WDPCP: variants seen among roughly 807,000 people sequenced by gnomAD.
WDPCP encodes the protein WD repeat containing planar cell polarity effector, also known as WD repeat-containing and planar cell polarity effector protein fritz homolog.
Under a neutral mutation model 93.1 loss-of-function variants are expected in WDPCP, and 71 were observed. That is an observed-to-expected ratio of 0.76 (90% CI 0.63 to 0.93). The LOEUF is 0.93. Among genes scored for constraint, WDPCP ranks in the 40% least tolerant of loss-of-function variants. The pLI, the probability that WDPCP is intolerant of heterozygous loss-of-function variation, is 0.00. For missense variants in WDPCP, 844 were observed against 887.4 expected (o/e 0.95, Z 0.62); for synonymous variants, 315 against 315.0 (o/e 1.00, Z 0.00).
intron 14 of WDPCP, chr2:63,229,579 A>C (rs1368576618): frequency 6.6e-6 from 1 of 152,156 alleles, no homozygotes; most frequent in Admixed American, 6.6e-5. Flanking sequence ...CTAACATTTA[A>C]GTCTTTAATC....
intron 3 of WDPCP, among the ~76,000 whole-genome samples, chr2:63,609,629 C>A (rs1193313964): frequency 6.6e-6 from 1 of 152,118 alleles, no homozygotes; most frequent in Non-Finnish European, 1.5e-5. Flanking sequence ...GTGACTCATG[C>A]GTGTAATCCC....
intron 12 of WDPCP, among the ~76,000 whole-genome samples, chr2:63,374,580 G>C (rs551043071): frequency 1.7e-4 from 26 of 152,138 alleles, no homozygotes; most frequent in Admixed American, 1.4e-3. Context: ...TGTATACATG[G>C]AATTGCTTAA....
At chr2:63,267,763 C>A (rs952152838) in intron 13 of WDPCP, among the ~76,000 whole-genome samples, 1 of 151,884 alleles carries the variant, frequency 6.6e-6, no homozygotes, top group South Asian at 2.1e-4. Context: ...AAATTAAAAC[C>A]ACAACGAGAT....
chr2:63,831,600 C>T (rs988486365), upstream of WDPCP, among the ~76,000 whole-genome samples: 5 of 151,674 alleles, frequency 3.3e-5, no homozygotes, highest in Admixed American at 3.3e-4. Context: ...TGAATTGTAT[C>T]CTCGTTTTTA....
In WDPCP at chr2:63,599,043, G is replaced by T. The variant is rs931776445; in HGVS notation, n.488+51616C>A. 30 of 740,332 alleles carry T rather than the reference G, an allele frequency of 4.1e-5. No individual in the cohort carries two copies. In the East Asian group the frequency reaches 8.5e-4, roughly 21 times the overall value. 45.9% of individuals were successfully genotyped at this position (740,332 alleles called of 1,614,324 possible). A position where few individuals can be genotyped will look rare whatever the true frequency, so the allele number is the denominator to read the frequency against. On this transcript the variant is annotated intron_variant and non_coding_transcript_variant, in intron 3 of 4. Coordinates refer to the WDPCP transcript ENST00000467687. The stretch of plus-strand genomic sequence containing the variant: ...AAAATGCATTTTCCTATGCTATATT[G>T]TATTTGGTGTTTCCCAAGCCTCCCC...
upstream of WDPCP, chr2:63,590,932 T>C (rs1212939552): frequency 1.3e-5 from 2 of 152,174 alleles, no homozygotes; most frequent in Non-Finnish European, 2.9e-5. Context: ...CTGTAGGGAG[T>C]GACAGCAAAA....
chr2:63,680,213 A>T (rs111463398), intron 2 of WDPCP, among the ~76,000 whole-genome samples: 53 of 152,364 alleles, frequency 3.5e-4, no homozygotes, highest in African/African-American at 1.1e-3. Flanking sequence ...AAGAACCAAA[A>T]ATCAGGTGAG....
chr2:63,457,616 A>G (rs966274586), intron 6 of WDPCP, among the ~76,000 whole-genome samples: 2 of 152,226 alleles, frequency 1.3e-5, no homozygotes, highest in African/African-American at 4.8e-5. Flanking sequence ...ATGATCAAGA[A>G]GAATGTATCC....
the WDPCP span, among the ~76,000 whole-genome samples, chr2:63,835,966 T>C: frequency 3.5e-4 from 54 of 152,332 alleles, no homozygotes; most frequent in African/African-American, 1.3e-3. Context: ...GTGAGTTTTG[T>C]GCCTTAGCCT....
At chr2:63,699,178 A>T (rs1297459289) in intron 2 of WDPCP, among the ~76,000 whole-genome samples, 1 of 152,190 alleles carries the variant, frequency 6.6e-6, no homozygotes, top group Admixed American at 6.5e-5. Flanking sequence ...GTTAGCAGCC[A>T]CTGTCTTTCA....
chr2:63,791,047 T>A (rs560161999), intron 2 of WDPCP, among the ~76,000 whole-genome samples: 1 of 152,302 alleles, frequency 6.6e-6, no homozygotes, highest in African/African-American at 2.4e-5. Flanking sequence ...CTGTTTGACA[T>A]GAATTCCTCA....
intron 2 of WDPCP, among the ~76,000 whole-genome samples, chr2:63,789,176 T>C (rs1158539928): frequency 6.6e-6 from 1 of 152,212 alleles, no homozygotes; most frequent in Non-Finnish European, 1.5e-5. Context: ...GCCAGATAAG[T>C]CAATAAAAAC....
At chr2:63,308,434 A>G (rs545598337) in intron 13 of WDPCP, among the ~76,000 whole-genome samples, 86 of 152,364 alleles carry the variant, frequency 5.6e-4, no homozygotes, top group Non-Finnish European at 8.7e-4. Context: ...CTATAAAGAC[A>G]TATGCACACG....
intron 1 of WDPCP, among the ~76,000 whole-genome samples, chr2:63,496,544 A>G (rs969320796): frequency 1.3e-5 from 2 of 152,174 alleles, no homozygotes; most frequent in Non-Finnish European, 2.9e-5. Flanking sequence ...TTAATTCTCT[A>G]CATTTGAACA....
Position 63,709,389 on chromosome 2 carries a change from T to C in WDPCP, n.309-58551A>G, listed in dbSNP as rs1241836885. Among the ~76,000 whole-genome samples the C allele has an allele frequency of 1.3e-5, 2 of 152,158 alleles. 1 individual carries two copies. Among genetic ancestry groups the C allele is most frequent in the African/African-American group, 4.8e-5 (2 of 41,428 alleles). ...CCTCAGTCCCATCCCCTTCAGGCTT[T>C]GGTGGTATTATCATATTTGACATTT... On this transcript the variant is annotated intron_variant and non_coding_transcript_variant, in intron 2 of 4. Coordinates refer to the WDPCP transcript ENST00000467687.
chr2:63,621,040 G>A (rs1411043369), intron 3 of WDPCP, among the ~76,000 whole-genome samples: 2 of 152,180 alleles, frequency 1.3e-5, no homozygotes, highest in Non-Finnish European at 2.9e-5. Flanking sequence ...ACCAAAGGTA[G>A]ATAAATCCAC....
chr2:63,338,487 G>A (rs1688557493), intron 12 of WDPCP, among the ~76,000 whole-genome samples: 1 of 148,954 alleles, frequency 6.7e-6, no homozygotes, highest in African/African-American at 2.5e-5. Context: ...AGGAGGTGGA[G>A]GTTGCAGTTA....
At chr2:63,527,379 C>A (rs1299533836) in intron 1 of WDPCP, among the ~76,000 whole-genome samples, 2 of 120,328 alleles carry the variant, frequency 1.7e-5, no homozygotes, top group Non-Finnish European at 3.3e-5. Context: ...CCACCCCCAA[C>A]CAACGACAGG....
intron 13 of WDPCP, among the ~76,000 whole-genome samples, chr2:63,292,146 A>G (rs554939800): frequency 1.4e-4 from 21 of 151,578 alleles, no homozygotes; most frequent in South Asian, 4.2e-4. Context: ...AAAAAAAAAA[A>G]AAAAAGAAAA....
Sources: allele counts gnomAD v4.1 joint callset (sites outside exome capture counted in the v4.1 genomes callset), GRCh38; gene constraint gnomAD v4.1.1; transcripts MANE v1.5; gene names NCBI Gene and HGNC (gene_info 2026-07-23, HGNC 2026-07-21).